CFAP20DC: variants seen among roughly 807,000 people sequenced by gnomAD.
The protein encoded by CFAP20DC is CFAP20 domain containing.
CFAP20DC carries 84 observed loss-of-function variants against 101.7 expected under a neutral mutation model. The ratio of observed to expected loss-of-function variants is 0.83; its 90% CI spans 0.69 to 0.99. The LOEUF (loss-of-function observed/expected upper bound fraction) is 0.99. CFAP20DC is among the 50% of genes least tolerant of loss of function. CFAP20DC has a pLI of 0.00. For missense variants in CFAP20DC, 1,007 were observed against 970.3 expected, an observed-to-expected ratio of 1.04 and a Z score of -0.50; for synonymous variants, 359 against 351.2, an observed-to-expected ratio of 1.02 and a Z score of -0.25.
intron 3 of CFAP20DC, among the ~76,000 whole-genome samples, chr3:59,040,584 G>A (rs1699279033): frequency 6.6e-6 from 1 of 151,632 alleles, no homozygotes; most frequent in South Asian, 2.1e-4. Flanking sequence ...ACCAACACGT[G>A]GATTAAAGAC....
chr3:58,935,945 CT>C (rs2087521785), intron 5 of CFAP20DC, among the ~76,000 whole-genome samples: 1 of 151,872 alleles, frequency 6.6e-6, no homozygotes, highest in South Asian at 2.1e-4. Flanking sequence ...AACTGAAGAG[CT>C]TCTGCACAGC....
intron 4 of CFAP20DC, among the ~76,000 whole-genome samples, chr3:58,953,191 G>A (rs1278984533): frequency 1.3e-5 from 2 of 152,260 alleles, no homozygotes; most frequent in East Asian, 3.9e-4. Flanking sequence ...TAGGGGAAAA[G>A]CATGCAAGAC....
rs150256853 is a variant in CFAP20DC, at chr3:58,724,369, G to A, written c.198-6741C>T. On this transcript the variant is annotated intron_variant, in intron 3 of 3. Transcript: ENST00000486145. This position sits in a 1 kb window ranked among gnomAD's most constrained non-coding sequence, Gnocchi z 5.6. ...GTGGAAAGCCACAAGAGGTCTCTGA[G>A]GAGGAAAGCCTCCTAATAGCCCTCA... is the stretch of plus-strand genomic sequence containing the variant. 5.5e-4 allele frequency among the ~76,000 whole-genome samples: 84 copies of A among 152,308 alleles called. 1 individual carries two copies. In the East Asian group the frequency reaches 0.011, roughly 20 times the overall value.
At chr3:58,808,138 C>A (rs1052538136) in intron 14 of CFAP20DC, among the ~76,000 whole-genome samples, 7 of 152,192 alleles carry the variant, frequency 4.6e-5, no homozygotes, top group African/African-American at 1.7e-4. Context: ...GGAAAACACT[C>A]TGCAAGATAT....
At chr3:58,718,781 G>A (rs2067430211) in intron 3 of CFAP20DC, among the ~76,000 whole-genome samples, 1 of 152,156 alleles carries the variant, frequency 6.6e-6, no homozygotes, top group Non-Finnish European at 1.5e-5. Context: ...GGTCCAATTG[G>A]CCTGCTCTTG....
At position 58,946,222 on chromosome 3, in the gene CFAP20DC, T is replaced by G. The variant is rs140754862; in HGVS notation, c.279-8460A>C. 6.9e-3 allele frequency among the ~76,000 whole-genome samples: 1,045 copies of G among 151,330 alleles called. 14 individuals carry two copies. Among genetic ancestry groups the G allele is most frequent in the African/African-American group, 0.024 (979 of 41,194 alleles). On this transcript the variant is annotated intron_variant, in intron 4 of 16. Transcript: ENST00000482387. ...ACCTCTGCCTCCCAGGTTCAAGCGA[T>G]TCTCGTGTCTCAGTCTCCTAAGTAG...
rs1242796125 is a variant in CFAP20DC at position 58,956,043 on chromosome 3, C to CCT, written c.279-18282_279-18281insAG. Among the ~76,000 whole-genome samples the CCT allele has an allele frequency of 6.4e-4, 97 of 151,398 alleles. 2 individuals are homozygous for CCT. In the South Asian group the frequency reaches 0.02, roughly 31 times the overall value. ...GGCACTGAATAACCAGCAGTGATACCAACATACTACACTGAGGGCCTAAGA... is the reference window on the plus strand; with the variant it reads ...GGCACTGAATAACCAGCAGTGATACCCTAACATACTACACTGAGGGCCTAAGA... On this transcript the variant is annotated intron_variant, in intron 4 of 16. Transcript: ENST00000482387.
chr3:58,794,456 C>G, intron 15 of CFAP20DC: 2 of 368,756 alleles, frequency 5.4e-6, no homozygotes, highest in South Asian at 4.1e-5. Context: ...GGACTGTTGA[C>G]TTCTATGGTA....
chr3:58,827,379 G>A (rs893787533), intron 14 of CFAP20DC, among the ~76,000 whole-genome samples: 1 of 141,294 alleles, frequency 7.1e-6, no homozygotes, highest in Non-Finnish European at 1.5e-5. Context: ...CAGCCAAGTT[G>A]ACAGTGTGGC....
intron 4 of CFAP20DC, among the ~76,000 whole-genome samples, chr3:58,955,241 T>C (rs977606836): frequency 3.9e-5 from 6 of 151,982 alleles, no homozygotes; most frequent in Admixed American, 6.6e-5. Context: ...AACACCTTCA[T>C]AAGAACCAAA....
chr3:58,910,198 T>A (rs2084009361), intron 6 of CFAP20DC, among the ~76,000 whole-genome samples: 1 of 152,150 alleles, frequency 6.6e-6, no homozygotes, highest in African/African-American at 2.4e-5. Context: ...TTGGAGCAGC[T>A]TCTCTCTTTG....
chr3:58,899,923 G>A lies in CFAP20DC; in HGVS notation c.550+13785C>T, dbSNP rs755533700. 2.0e-5 allele frequency among the ~76,000 whole-genome samples: 3 copies of A among 152,140 alleles called. No homozygotes were observed. Among genetic ancestry groups the A allele is most frequent in the East Asian group, 1.9e-4 (1 of 5,188 alleles). On this transcript the variant is annotated intron_variant, in intron 6 of 16. Transcript: ENST00000482387. This position sits in a 1 kb window ranked among gnomAD's most constrained non-coding sequence, Gnocchi z 5.0. ...ACAGCTGCTTTTAATCAGCCATCCT[G>A]GCCCTCTCTCCCCACAGATAATTCT...
At chr3:58,998,070 G>A (rs930871655) in intron 4 of CFAP20DC, among the ~76,000 whole-genome samples, 1 of 152,198 alleles carries the variant, frequency 6.6e-6, no homozygotes, top group Non-Finnish European at 1.5e-5. Context: ...CAAGCTTGAA[G>A]GTTACTGTAA....
At chr3:58,955,597 G>C (rs1300242729) in intron 4 of CFAP20DC, among the ~76,000 whole-genome samples, 1 of 152,070 alleles carries the variant, frequency 6.6e-6, no homozygotes, top group Non-Finnish European at 1.5e-5. Flanking sequence ...ATGGACTAAA[G>C]TGCTCTGGGG....
At position 58,874,740 on chromosome 3, in the gene CFAP20DC, T is replaced by A. The variant is rs897197936; in HGVS notation, c.716-4431A>T. On this transcript the variant is annotated intron_variant, in intron 7 of 16. Coordinates refer to ENST00000482387, the MANE Select transcript of CFAP20DC (RefSeq NM_001394063.1). The surrounding 1 kb of genome is among the most constrained non-coding windows in gnomAD (Gnocchi z 5.1). The stretch of plus-strand genomic sequence containing the variant: ...CCTCCAATATAGGCTCTTCCATAAA[T>A]TTTCCCTCATAGAACTTGTCAGAAT... 1.3e-5 allele frequency among the ~76,000 whole-genome samples: 2 copies of A among 152,206 alleles called. No individual in the cohort carries two copies. Among genetic ancestry groups the A allele is most frequent in the African/African-American group, 4.8e-5 (2 of 41,448 alleles).
In CFAP20DC at chr3:58,799,733, CTGTGTG is replaced by C. The variant is rs112827949; in HGVS notation, c.2237+6656_2237+6661del. The stretch of plus-strand genomic sequence containing the variant: ...AGTGTGTGTGTGTCTGTGTGTGTGT[CTGTGTG>C]TGTGTGTGTGTGTGTGTGTGTGTGT... On this transcript the variant is annotated intron_variant, in intron 15 of 16. Transcript: ENST00000482387. This position sits in a 1 kb window ranked among gnomAD's most constrained non-coding sequence, Gnocchi z 4.9. Among the ~76,000 whole-genome samples, 4,275 of 142,928 alleles carry C rather than the reference CTGTGTG, an allele frequency of 0.03. 159 individuals are homozygous for C. The highest frequency in any genetic ancestry group is 0.092 in the African/African-American group (3,671 of 39,690). 93.8% of individuals were successfully genotyped at this position (142,928 alleles called of 152,430 possible). A position where few individuals can be genotyped will look rare whatever the true frequency, so the allele number is the denominator to read the frequency against.
At chr3:58,987,558 G>A (rs1388633639) in intron 4 of CFAP20DC, among the ~76,000 whole-genome samples, 1 of 151,880 alleles carries the variant, frequency 6.6e-6, no homozygotes, top group Non-Finnish European at 1.5e-5. Context: ...CCAATGAAAT[G>A]CAAAACCTCT....
At chr3:58,890,913 C>G (rs1324236566) in intron 6 of CFAP20DC, among the ~76,000 whole-genome samples, 6 of 146,086 alleles carry the variant, frequency 4.1e-5, no homozygotes, top group Admixed American at 1.4e-4. Flanking sequence ...GGATGGCGGC[C>G]GGGCGGAGAC....
In CFAP20DC at chr3:58,799,743, G is replaced by C. The variant is rs866147067; in HGVS notation, c.2237+6652C>G. Among the ~76,000 whole-genome samples, 7 of 145,402 alleles carry C rather than the reference G, an allele frequency of 4.8e-5. No individual in the cohort carries two copies. The highest frequency in any genetic ancestry group is 4.1e-4 in the Admixed American group (6 of 14,790). ...TGTCTGTGTGTGTGTCTGTGTGTGT[G>C]TGTGTGTGTGTGTGTGTGTGTGTGT... On this transcript the variant is annotated intron_variant, in intron 15 of 16. Transcript: ENST00000482387. The surrounding 1 kb of genome is among the most constrained non-coding windows in gnomAD (Gnocchi z 4.9).
Sources: allele counts gnomAD v4.1 joint callset (sites outside exome capture counted in the v4.1 genomes callset), GRCh38; gene constraint gnomAD v4.1.1; non-coding constraint Gnocchi (gnomAD v3.1); transcripts MANE v1.5; gene names NCBI Gene and HGNC (gene_info 2026-07-23, HGNC 2026-07-21).